Variants in EYS observed in about 807,000 individuals in gnomAD.
The protein encoded by EYS is EGF-like photoreceptor maintenance factor, also known as protein eyes shut homolog.
Under a neutral mutation model 282.1 loss-of-function variants are expected in EYS, and 250 were observed. The ratio of observed to expected loss-of-function variants is 0.89; its 90% confidence interval spans 0.80 to 0.98. The LOEUF (loss-of-function observed/expected upper bound fraction) is 0.98, where lower values mean the gene tolerates loss of function less well. Ranked by LOEUF, EYS falls within the 50% of genes least tolerant of loss-of-function variation. The pLI, the probability that EYS is intolerant of heterozygous loss-of-function variation, is 0.00. For synonymous variants in EYS, 1,355 were observed against 1,282.9 expected, an observed-to-expected ratio of 1.06 and a Z score of -1.20; for missense variants, 4,016 against 3,709.0, an observed-to-expected ratio of 1.08 and a Z score of -2.15.
At chr6:64,446,120 T>A (rs977639277) in intron 26 of EYS, among the ~76,000 whole-genome samples, 8 of 152,216 alleles carry the variant, frequency 5.3e-5, no homozygotes, top group African/African-American at 1.9e-4. Context: ...ATATGGAGTT[T>A]AAGGATGAGT....
intron 30 of EYS, among the ~76,000 whole-genome samples, chr6:64,266,856 T>C (rs563819074): frequency 2.2e-4 from 34 of 152,204 alleles, no homozygotes; most frequent in Non-Finnish European, 4.4e-4. Flanking sequence ...AGGCTGACAG[T>C]AGCAAAAGAA....
At chr6:63,955,841 C>A (rs899238097) in intron 35 of EYS, among the ~76,000 whole-genome samples, 2 of 152,150 alleles carry the variant, frequency 1.3e-5, no homozygotes, top group African/African-American at 2.4e-5. Context: ...TCCTTTAATA[C>A]CTGTTTTTCT....
intron 23 of EYS, among the ~76,000 whole-genome samples, chr6:64,620,108 T>A (rs369399095): frequency 2.6e-5 from 4 of 152,162 alleles, no homozygotes; most frequent in African/African-American, 9.6e-5. Flanking sequence ...ACCTGAATAA[T>A]GGAATTAGAT....
At chr6:64,770,094 G>T (rs1261066369) in intron 22 of EYS, among the ~76,000 whole-genome samples, 2 of 151,828 alleles carry the variant, frequency 1.3e-5, no homozygotes, top group South Asian at 2.1e-4. Flanking sequence ...CTCAATCTTT[G>T]TTTTACTGCT....
intron 8 of EYS, among the ~76,000 whole-genome samples, chr6:65,371,580 A>G (rs992113459): frequency 2.6e-5 from 4 of 151,968 alleles, no homozygotes; most frequent in Non-Finnish European, 5.9e-5. Context: ...TTCCAGGATG[A>G]TATCAATGTT....
chr6:65,347,188 G>A (rs1770430198), intron 9 of EYS, among the ~76,000 whole-genome samples: 2 of 151,652 alleles, frequency 1.3e-5, no homozygotes, highest in Non-Finnish European at 3.0e-5. Flanking sequence ...ATTTTTACCA[G>A]GCTAAGAGGA....
rs147476315 is a variant in EYS at position 64,972,766 on chromosome 6, T to C, written c.2259+24816A>G. Among the ~76,000 whole-genome samples, 10 of 152,246 alleles carry C rather than the reference T, an allele frequency of 6.6e-5. No individual in the cohort carries two copies. In the East Asian group the frequency reaches 1.7e-3, roughly 27 times the overall value. ...TGTTTGAGGAGTCAAAAGTTTTACA[T>C]AGATTTTGACTATTTCAGGGGTTGG... is the stretch of plus-strand genomic sequence containing the variant. On this transcript the variant is annotated intron_variant, in intron 14 of 42. Transcript: ENST00000503581.
intron 41 of EYS, among the ~76,000 whole-genome samples, chr6:63,727,723 A>ATATATAT (rs1409002144): frequency 4.7e-5 from 3 of 64,442 alleles, no homozygotes; most frequent in Admixed American, 1.8e-4. Flanking sequence ...AAAAAAAAAA[A>ATATATAT]AAAAAAAAAA....
At chr6:64,504,868 C>A (rs1186956990) in intron 26 of EYS, among the ~76,000 whole-genome samples, 1 of 152,118 alleles carries the variant, frequency 6.6e-6, no homozygotes, top group Non-Finnish European at 1.5e-5. Context: ...TCGTAAAAAA[C>A]TTGGGATGCT....
chr6:65,411,644 A>G (rs1253634264), intron 5 of EYS, among the ~76,000 whole-genome samples: 1 of 151,894 alleles, frequency 6.6e-6, no homozygotes, highest in Non-Finnish European at 1.5e-5. Context: ...GCCCTCTACC[A>G]TTTCCTGATC....
chr6:65,607,436 C>G (rs926004489), intron 2 of EYS, among the ~76,000 whole-genome samples: 1 of 151,782 alleles, frequency 6.6e-6, no homozygotes, highest in Non-Finnish European at 1.5e-5. Flanking sequence ...GTAACAGAAC[C>G]AATACAATTA....
chr6:64,300,277 C>T (rs369715863), intron 30 of EYS, among the ~76,000 whole-genome samples: 18 of 152,120 alleles, frequency 1.2e-4, no homozygotes, highest in Non-Finnish European at 1.9e-4. Context: ...ACAGGGGCCG[C>T]GGCAGGGGGC....
At chr6:64,078,490 A>G (rs572895161) in intron 32 of EYS, among the ~76,000 whole-genome samples, 4 of 152,202 alleles carry the variant, frequency 2.6e-5, no homozygotes, top group Admixed American at 2.0e-4. Context: ...CTAAGAGGAT[A>G]GAAAGTAGCA....
chr6:65,137,723 CTGGAATGGGTGGCATT>C (rs894549371), intron 12 of EYS, among the ~76,000 whole-genome samples: 96 of 151,966 alleles, frequency 6.3e-4, no homozygotes, highest in African/African-American at 2.1e-3. Flanking sequence ...AGGATTAGTA[CTGGAATGGGTGGCATT>C]TGTGTATTGA....
At chr6:63,752,641 C>T (rs377342468) in intron 41 of EYS, among the ~76,000 whole-genome samples, 12 of 151,858 alleles carry the variant, frequency 7.9e-5, no homozygotes, top group African/African-American at 2.9e-4. Flanking sequence ...TACAGGCACC[C>T]ACCACCATGC....
chr6:65,268,188 T>A (rs936381318), intron 12 of EYS, among the ~76,000 whole-genome samples: 1 of 152,008 alleles, frequency 6.6e-6, no homozygotes, highest in Admixed American at 6.6e-5. Flanking sequence ...CATGAAAGAA[T>A]CATTGCAAAT....
intron 12 of EYS, among the ~76,000 whole-genome samples, chr6:65,177,357 T>C (rs1765250990): frequency 1.3e-5 from 2 of 151,832 alleles, no homozygotes; most frequent in South Asian, 4.1e-4. Context: ...GCATATACCC[T>C]CCGAAATAAA....
chr6:64,612,170 C>G (rs920103164), intron 24 of EYS, among the ~76,000 whole-genome samples: 42 of 152,006 alleles, frequency 2.8e-4, no homozygotes, highest in Non-Finnish European at 4.7e-4. Context: ...AACTCAGAAC[C>G]CTTTTTTCTC....
intron 29 of EYS, among the ~76,000 whole-genome samples, chr6:64,314,193 G>GAAAAA (rs1769841355): frequency 5.7e-4 from 6 of 10,590 alleles, no homozygotes; most frequent in African/African-American, 1.9e-3. Flanking sequence ...CAAATGGAAA[G>GAAAAA]CAAAAAAAAA....
Sources: allele counts gnomAD v4.1 joint callset (sites outside exome capture counted in the v4.1 genomes callset), GRCh38; gene constraint gnomAD v4.1.1; transcripts MANE v1.5; gene names NCBI Gene and HGNC (gene_info 2026-07-23, HGNC 2026-07-21).